LYRM9: variants seen among roughly 807,000 people sequenced by gnomAD.
LYRM9 encodes the protein LYR motif-containing protein 9.
A neutral mutation model predicts 12.6 loss-of-function variants in LYRM9; 14 were observed. The observed-to-expected ratio is 1.11, with a 90% CI of 0.73 to 1.73. The LOEUF is 1.73. Among genes scored for constraint, LYRM9 ranks in the 40% most tolerant of loss-of-function variants. The pLI, the probability that LYRM9 is intolerant of heterozygous loss-of-function variation, is 0.00. For synonymous variants in LYRM9, 42 were observed against 35.1 expected, an observed-to-expected ratio of 1.20 and a Z score of -0.69; for missense variants, 94 against 95.0, an observed-to-expected ratio of 0.99 and a Z score of 0.04.
chr17:27,891,317 C>G (rs1905436233), intron 1 of LYRM9, among the ~76,000 whole-genome samples: 1 of 152,176 alleles, frequency 6.6e-6, no homozygotes, highest in Admixed American at 6.5e-5. Flanking sequence ...GGTTCTATCA[C>G]CTGCTAGTTC....
At chr17:27,883,330 G>C in intron 1 of LYRM9, 2 of 226,702 alleles carry the variant, frequency 8.8e-6, no homozygotes, top group Admixed American at 1.1e-4. Context: ...GCTGGACAGA[G>C]TCACCACAGC....
intron 1 of LYRM9, among the ~76,000 whole-genome samples, chr17:27,884,694 C>T (rs1015089379): frequency 2.6e-5 from 4 of 152,168 alleles, no homozygotes; most frequent in South Asian, 2.1e-4. Flanking sequence ...GCGCCTGGCC[C>T]GCAGTGGGCT....
intron 1 of LYRM9, among the ~76,000 whole-genome samples, chr17:27,890,228 A>G (rs1243496085): frequency 6.6e-6 from 1 of 152,168 alleles, no homozygotes; most frequent in Admixed American, 6.5e-5. Flanking sequence ...TAAGGACCCC[A>G]CAAAGAACTC....
rs540843344 is a variant in LYRM9, at chr17:27,886,679, C to T, written c.-18-3967G>A. On this transcript the variant is annotated intron_variant, in intron 1 of 3. Coordinates refer to ENST00000379102, the MANE Select transcript of LYRM9 (RefSeq NM_001076680.3). The surrounding 1 kb of genome is among the most constrained non-coding windows in gnomAD (Gnocchi z 4.8). ...TTTTTTTTTTTTTGAGACAGAGTTT[C>T]GCTCTTGTTGCCCAGGCTGGAGTGC... is the stretch of plus-strand genomic sequence containing the variant. Among the ~76,000 whole-genome samples, 2 of 145,322 alleles carry T rather than the reference C, an allele frequency of 1.4e-5. No individual in the cohort carries two copies. Among genetic ancestry groups the T allele is most frequent in the African/African-American group, 2.6e-5 (1 of 39,144 alleles).
At chr17:27,882,980 G>A in intron 1 of LYRM9, 1 of 548,686 alleles carries the variant, frequency 1.8e-6, no homozygotes, top group South Asian at 1.5e-5. Context: ...TCAACTTCAA[G>A]TGGTGCATGA....
intron 1 of LYRM9, chr17:27,892,366 C>T (rs1195598933): frequency 8.8e-6 from 4 of 453,074 alleles, no homozygotes; most frequent in Non-Finnish European, 1.8e-5. Flanking sequence ...AATATATATA[C>T]GGTTATTAGT....
intron 2 of LYRM9, among the ~76,000 whole-genome samples, chr17:27,881,586 C>T (rs868210330): frequency 1.3e-5 from 2 of 152,162 alleles, no homozygotes; most frequent in Non-Finnish European, 1.5e-5. Flanking sequence ...TTGCTACACT[C>T]GCTTTATCAT....
chr17:27,885,524 A>G (rs1179656826), intron 1 of LYRM9, among the ~76,000 whole-genome samples: 6 of 152,056 alleles, frequency 3.9e-5, no homozygotes, highest in Non-Finnish European at 7.4e-5. Flanking sequence ...CAACCTGAGC[A>G]ACACAGGGAG....
chr17:27,880,523 A>G (rs1466205639), intron 2 of LYRM9, 157 bp from the exon 3 acceptor site: 1 of 609,832 alleles, frequency 1.6e-6, no homozygotes, highest in Non-Finnish European at 2.9e-6. Context: ...CACAGAGATG[A>G]GGAAACAGAG....
chr17:27,886,643 T>C lies in LYRM9; in HGVS notation c.-18-3931A>G, dbSNP rs1049412626. 9.2e-6 allele frequency among the ~76,000 whole-genome samples: 1 copy of C among 109,228 alleles called. No individual in the cohort carries two copies. The highest frequency in any genetic ancestry group is 1.8e-5 in the Non-Finnish European group (1 of 57,006). 71.7% of individuals were successfully genotyped at this position (109,228 alleles called of 152,430 possible). On this transcript the variant is annotated intron_variant, in intron 1 of 3. Transcript: ENST00000379102. This position sits in a 1 kb window ranked among gnomAD's most constrained non-coding sequence, Gnocchi z 4.8. ...ATGCCACTGGTTTCTTTCTTTTCTT[T>C]TCTTTTTTTATTTTTTTTTTTTTGA...
intron 1 of LYRM9, among the ~76,000 whole-genome samples, chr17:27,888,898 A>C (rs1215518712): frequency 6.6e-6 from 1 of 152,156 alleles, no homozygotes; most frequent in East Asian, 1.9e-4. Flanking sequence ...TCCCCGCTGT[A>C]AAGTTCTACT....
chr17:27,887,268 A>G (rs369940139), intron 1 of LYRM9, among the ~76,000 whole-genome samples: 1 of 152,246 alleles, frequency 6.6e-6, no homozygotes, highest in Admixed American at 6.5e-5. Context: ...AGTAGTATAC[A>G]GCCAGTATTT....
rs1349005801 is a variant in LYRM9, at chr17:27,882,987, A to G, written c.-18-275T>C. On this transcript the variant is annotated intron_variant, in intron 1 of 3. Coordinates refer to ENST00000379102, the MANE Select transcript of LYRM9 (RefSeq NM_001076680.3). The stretch of plus-strand genomic sequence containing the variant: ...TCTGGAACTCAACTTCAAGTGGTGC[A>G]TGAGTAGGTGTCCCTCACCGGCAGG... 1.9e-5 allele frequency: 10 copies of G among 539,404 alleles called. No individual in the cohort carries two copies. The Admixed American group carries it at 2.0e-4, about 11-fold the overall frequency. 33.4% of individuals were successfully genotyped at this position (539,404 alleles called of 1,614,324 possible).
Position 27,879,412 on chromosome 17 carries a change from T to G in LYRM9, c.*61A>C. The G allele has an allele frequency of 6.6e-7, 1 of 1,521,894 alleles. No individual in the cohort carries two copies. The highest frequency in any genetic ancestry group is 2.1e-5 in the Admixed American group (1 of 47,270). The allele number at this position is 1,521,894 out of a possible 1,614,324, so 94.3% of individuals were successfully genotyped here. A position where few individuals can be genotyped will look rare whatever the true frequency, so the allele number is the denominator to read the frequency against. ...GCTCTTCCAAACCAGCTGCTGCTGC[T>G]GAGCTCCAGAAGAGGGGCCTCTCAA... is the stretch of plus-strand genomic sequence containing the variant. On this transcript the variant is annotated 3_prime_UTR_variant, in exon 4 of 4. Transcript: ENST00000379102.
intron 1 of LYRM9, among the ~76,000 whole-genome samples, chr17:27,884,549 T>C (rs911034644): frequency 1.3e-5 from 2 of 152,190 alleles, no homozygotes; most frequent in Admixed American, 6.5e-5. Flanking sequence ...GTGTCCTTCC[T>C]CCAGGAAGCC....
At chr17:27,880,605 A>T in intron 2 of LYRM9, 1 of 555,360 alleles carries the variant, frequency 1.8e-6, no homozygotes, top group Non-Finnish European at 3.2e-6. Flanking sequence ...TCCTGCCACC[A>T]AGGTAGGTGC....
chr17:27,882,919 G>A, intron 1 of LYRM9: 1 of 663,464 alleles, frequency 1.5e-6, no homozygotes. Context: ...GACCAAAGGT[G>A]AGTGTGGAGG....
chr17:27,880,133 G>A, intron 3 of LYRM9, 141 bp downstream of exon 3: 1 of 728,678 alleles, frequency 1.4e-6, no homozygotes, highest in Non-Finnish European at 2.5e-6. Flanking sequence ...TTCAGCTTCT[G>A]GAGGAGGGAA....
At position 27,886,180 on chromosome 17, in the gene LYRM9, TC is replaced by T. The variant is rs1905226991; in HGVS notation, c.-18-3469del. The stretch of plus-strand genomic sequence containing the variant: ...CGGAACAGATGGTTACCATCTGCAG[TC>T]CTCAAAATTAACATTTGGAAAGAGC... On this transcript the variant is annotated intron_variant, in intron 1 of 3. Coordinates refer to ENST00000379102, the MANE Select transcript of LYRM9 (RefSeq NM_001076680.3). The surrounding 1 kb of genome is among the most constrained non-coding windows in gnomAD (Gnocchi z 4.8). Among the ~76,000 whole-genome samples the T allele has an allele frequency of 6.6e-6, 1 of 152,176 alleles. No homozygotes were observed. Among genetic ancestry groups the T allele is most frequent in the Non-Finnish European group, 1.5e-5 (1 of 68,042 alleles).
Sources: gnomAD v4.1 joint callset for allele counts (sites outside exome capture counted in the v4.1 genomes callset) on GRCh38, gnomAD v4.1.1 for gene constraint, Gnocchi (gnomAD v3.1) non-coding constraint, MANE v1.5 for transcripts, NCBI Gene and HGNC (gene_info 2026-07-23, HGNC 2026-07-21) for gene names.